Variants in CFAP61 observed in about 807,000 individuals in gnomAD.
CFAP61 encodes the protein cilia and flagella associated protein 61.
A neutral mutation model predicts 135.6 loss-of-function variants in CFAP61; 107 were observed. The observed-to-expected ratio is 0.79, with a 90% CI of 0.67 to 0.93. The LOEUF (loss-of-function observed/expected upper bound fraction) is 0.93, where lower values mean the gene tolerates loss of function less well. Among genes scored for constraint, CFAP61 ranks in the 40% least tolerant of loss-of-function variants. The pLI, the probability that CFAP61 is intolerant of heterozygous loss-of-function variation, is 0.00. For missense variants in CFAP61, 1,507 were observed against 1,556.2 expected, an observed-to-expected ratio of 0.97 and a Z score of 0.53; for synonymous variants, 575 against 578.5, an observed-to-expected ratio of 0.99 and a Z score of 0.09.
intron 2 of CFAP61, among the ~76,000 whole-genome samples, chr20:20,068,114 T>C (rs1045555666): frequency 6.6e-6 from 1 of 152,232 alleles, no homozygotes; most frequent in African/African-American, 2.4e-5. Context: ...TTCCCATGGA[T>C]AAATGCATTT....
intron 24 of CFAP61, among the ~76,000 whole-genome samples, chr20:20,291,761 G>T (rs1030849127): frequency 3.9e-5 from 6 of 152,198 alleles, no homozygotes; most frequent in Non-Finnish European, 7.3e-5. Context: ...GGACACAGGT[G>T]GTTGGTCAGT....
chr20:20,225,354 G>C (rs1403924400), intron 17 of CFAP61: 1 of 152,194 alleles, frequency 6.6e-6, no homozygotes, highest in Non-Finnish European at 1.5e-5. Context: ...ACAAAATTGG[G>C]TTGACTGTGA....
At chr20:20,274,798 T>G (rs1254949483) in intron 21 of CFAP61, among the ~76,000 whole-genome samples, 2 of 152,226 alleles carry the variant, frequency 1.3e-5, no homozygotes, top group African/African-American at 4.8e-5. Context: ...GTAACATGTT[T>G]TATTTATTTA....
At chr20:20,201,023 G>A (rs2056591855) in intron 17 of CFAP61, 1 of 901,546 alleles carries the variant, frequency 1.1e-6, no homozygotes. Flanking sequence ...AGTAGAGACT[G>A]TTCATATAAA....
At chr20:20,277,115 GT>G in intron 21 of CFAP61, 50 bp from the exon 22 acceptor site, 1 of 1,421,662 alleles carries the variant, frequency 7.0e-7, no homozygotes, top group Non-Finnish European at 9.7e-7. Context: ...TTTGACTAAG[GT>G]TTTTTGGTTT....
intron 19 of CFAP61, among the ~76,000 whole-genome samples, chr20:20,251,125 T>C (rs997277261): frequency 6.6e-6 from 1 of 152,226 alleles, no homozygotes; most frequent in Non-Finnish European, 1.5e-5. Context: ...TGAAAAGTAT[T>C]AGCGAATAGG....
rs151021251 is a variant in CFAP61, at chr20:20,342,081, CTG to C, written c.3513+164_3513+165del. Among the ~76,000 whole-genome samples the C allele has an allele frequency of 1.8e-3, 273 of 152,300 alleles. 1 individual carries two copies. Among genetic ancestry groups the C allele is most frequent in the African/African-American group, 6.4e-3 (268 of 41,566 alleles). On this transcript the variant is annotated intron_variant, in intron 26 of 26. Coordinates refer to ENST00000245957, the MANE Select transcript of CFAP61 (RefSeq NM_015585.4). ...AAACTGCGGAGCATGTAAATGCAGA[CTG>C]TGTTATTTCAGGGGAAGTGATTTTA...
At chr20:20,243,337 C>G (rs1245832691) in intron 18 of CFAP61, among the ~76,000 whole-genome samples, 1 of 152,126 alleles carries the variant, frequency 6.6e-6, no homozygotes, top group African/African-American at 2.4e-5. Context: ...TGGGTGGAGA[C>G]ACAGAGCCAA....
chr20:20,318,091 CCTT>C (rs1381677936), intron 25 of CFAP61, among the ~76,000 whole-genome samples: 3 of 152,174 alleles, frequency 2.0e-5, no homozygotes, highest in African/African-American at 7.2e-5. Context: ...GAAGGACGTC[CCTT>C]CTTGGGTCAA....
intron 24 of CFAP61, among the ~76,000 whole-genome samples, chr20:20,296,477 T>C (rs1032982828): frequency 3.7e-5 from 5 of 133,546 alleles, no homozygotes; most frequent in Non-Finnish European, 6.6e-5. Flanking sequence ...TTCCTTTCTT[T>C]TTCCTCCCTC....
intron 7 of CFAP61, among the ~76,000 whole-genome samples, chr20:20,095,425 G>T (rs6035548): frequency 0.54 from 82,393 of 152,222 alleles, 23,181 homozygotes; most frequent in East Asian, 0.97. Flanking sequence ...TTCCAGGCCA[G>T]GCATGCAGCA....
rs749124582 is a variant in CFAP61 at position 20,070,850 on chromosome 20, G to T, written c.144-4G>T. On this transcript the variant is annotated splice_polypyrimidine_tract_variant and splice_region_variant and intron_variant, in intron 2 of 26. Transcript: ENST00000245957. ...CATGTTTGCAATTGTAATCATTTCTGCAGAGAAAAGGCCAACCTTGCTGTT... is the reference window on the plus strand; with the variant it reads ...CATGTTTGCAATTGTAATCATTTCTTCAGAGAAAAGGCCAACCTTGCTGTT... 8 of 1,609,132 alleles carry T rather than the reference G, an allele frequency of 5.0e-6. No homozygotes were observed. The East Asian group carries it at 8.9e-5, about 18-fold the overall frequency.
At chr20:20,200,956 T>A in intron 17 of CFAP61, 2 of 985,392 alleles carry the variant, frequency 2.0e-6, no homozygotes, top group Non-Finnish European at 2.4e-6. Flanking sequence ...GTGTCTTACA[T>A]TCATCTTTAT....
chr20:20,081,185 A>ATG (rs2046405812), intron 6 of CFAP61, among the ~76,000 whole-genome samples: 2 of 152,226 alleles, frequency 1.3e-5, no homozygotes, highest in Admixed American at 6.5e-5. Context: ...ATGATTAAAC[A>ATG]TGTTCCTACA....
At chr20:20,249,296 G>A (rs2050704911) in intron 19 of CFAP61, among the ~76,000 whole-genome samples, 1 of 152,096 alleles carries the variant, frequency 6.6e-6, no homozygotes, top group South Asian at 2.1e-4. Context: ...AGCACTTTGG[G>A]AGGCCAAGGT....
chr20:20,256,951 T>C (rs2051650517), intron 20 of CFAP61, among the ~76,000 whole-genome samples: 1 of 152,214 alleles, frequency 6.6e-6, no homozygotes, highest in Non-Finnish European at 1.5e-5. Flanking sequence ...TTCCGATGCT[T>C]CAGCTGCCAT....
At chr20:20,321,834 C>G (rs1372278611) in intron 25 of CFAP61, among the ~76,000 whole-genome samples, 1 of 152,062 alleles carries the variant, frequency 6.6e-6, no homozygotes, top group African/African-American at 2.4e-5. Flanking sequence ...GGTGTATGTC[C>G]CCTGCCCTTG....
At chr20:20,122,525 G>T (rs1325553015) in intron 8 of CFAP61, among the ~76,000 whole-genome samples, 1 of 152,150 alleles carries the variant, frequency 6.6e-6, no homozygotes, top group African/African-American at 2.4e-5. Context: ...ATGATATCTG[G>T]TTTCCATTCC....
At chr20:20,342,722 G>A (rs893600092) in intron 26 of CFAP61, among the ~76,000 whole-genome samples, 34 of 152,290 alleles carry the variant, frequency 2.2e-4, no homozygotes, top group Admixed American at 1.0e-3. Flanking sequence ...TAGGGAGCGC[G>A]CACCCTGTTC....
Sources: allele counts gnomAD v4.1 joint callset (sites outside exome capture counted in the v4.1 genomes callset), GRCh38; gene constraint gnomAD v4.1.1; transcripts MANE v1.5; gene names NCBI Gene and HGNC (gene_info 2026-07-23, HGNC 2026-07-21).